RBX1: variants seen among roughly 807,000 people sequenced by gnomAD.
RBX1 encodes the protein ring-box 1.
For synonymous variants in RBX1, 48 were observed against 47.9 expected (o/e 1.00, Z -0.01); for missense variants, 46 against 141.4 (o/e 0.33, Z 3.42).
chr22:40,962,174 T>A (rs2058342576), intron 2 of RBX1, among the ~76,000 whole-genome samples: 1 of 152,094 alleles, frequency 6.6e-6, no homozygotes, highest in African/African-American at 2.4e-5. Flanking sequence ...CAACTTCGGC[T>A]CACTGCAACC....
chr22:40,967,948 C>A, intron 4 of RBX1, 64 bp downstream of exon 4: 2 of 1,135,520 alleles, frequency 1.8e-6, no homozygotes, highest in South Asian at 1.2e-5. Context: ...GGAGCGTGGT[C>A]TTGGGGGATG....
At chr22:40,960,026 G>A (rs1478934303) in intron 2 of RBX1, among the ~76,000 whole-genome samples, 3 of 152,092 alleles carry the variant, frequency 2.0e-5, no homozygotes, top group Non-Finnish European at 4.4e-5. Flanking sequence ...GCTGAGGTGA[G>A]AGAATAGCTG....
chr22:40,963,877 G>C (rs1011819205), intron 2 of RBX1, among the ~76,000 whole-genome samples, 170 bp from the exon 3 acceptor site: 1 of 152,190 alleles, frequency 6.6e-6, no homozygotes, highest in African/African-American at 2.4e-5. Flanking sequence ...AACAAGGATA[G>C]GAAATCGTCA....
intron 1 of RBX1, 130 bp downstream of exon 1, chr22:40,951,606 AGGAAGCCGGG>A (rs1569041273): frequency 1.2e-6 from 1 of 836,992 alleles, no homozygotes; most frequent in Non-Finnish European, 1.8e-6. Context: ...GTACCACGAA[AGGAAGCCGGG>A]GGGCGGGTCT....
chr22:40,961,574 T>C (rs1337811623), intron 2 of RBX1, among the ~76,000 whole-genome samples: 1 of 151,454 alleles, frequency 6.6e-6, no homozygotes, highest in Non-Finnish European at 1.5e-5. Context: ...CCACCACGCC[T>C]GGCTAATTTT....
chr22:40,959,362 A>G (rs1034523971), intron 2 of RBX1, among the ~76,000 whole-genome samples: 1 of 152,004 alleles, frequency 6.6e-6, no homozygotes, highest in Non-Finnish European at 1.5e-5. Context: ...CCCTGTACTT[A>G]CTCTCTGCAA....
At chr22:40,958,799 G>A (rs1848388922) in intron 2 of RBX1, among the ~76,000 whole-genome samples, 2 of 151,748 alleles carry the variant, frequency 1.3e-5, no homozygotes, top group South Asian at 4.2e-4. Flanking sequence ...GTTTGGTTTG[G>A]TTTGGTTTGG....
At chr22:40,965,415 GTTTTTTGTTTTT>G (rs2058351445) in intron 3 of RBX1, among the ~76,000 whole-genome samples, 1 of 149,790 alleles carries the variant, frequency 6.7e-6, no homozygotes, top group Non-Finnish European at 1.5e-5. Flanking sequence ...ACCTACACTG[GTTTTTTGTTTTT>G]TTTTTTGTTT....
intron 2 of RBX1, among the ~76,000 whole-genome samples, chr22:40,959,281 A>G (rs1032690948): frequency 2.6e-5 from 4 of 152,170 alleles, no homozygotes; most frequent in African/African-American, 7.2e-5. Flanking sequence ...TGAACCCGTT[A>G]TGTGCCACTG....
chr22:40,952,900 G>A (rs1051011582), intron 1 of RBX1, among the ~76,000 whole-genome samples: 1 of 151,390 alleles, frequency 6.6e-6, no homozygotes, highest in Non-Finnish European at 1.5e-5. Flanking sequence ...TGCTTCCAGA[G>A]CTGTGTAGAG....
At chr22:40,954,774 G>A (rs902791795) in intron 2 of RBX1, among the ~76,000 whole-genome samples, 2 of 151,308 alleles carry the variant, frequency 1.3e-5, no homozygotes, top group Non-Finnish European at 2.9e-5. Flanking sequence ...GGCCAAAGCA[G>A]CCATGGCCCC....
chr22:40,955,275 T>G (rs1053848784), intron 2 of RBX1, among the ~76,000 whole-genome samples: 10 of 151,236 alleles, frequency 6.6e-5, no homozygotes, highest in African/African-American at 2.2e-4. Context: ...TTTTTTTTTT[T>G]GTTTTTTTCA....
At chr22:40,970,947 A>G (rs567045157) in intron 4 of RBX1, among the ~76,000 whole-genome samples, 2 of 152,330 alleles carry the variant, frequency 1.3e-5, no homozygotes, top group South Asian at 4.1e-4. Context: ...TATGCTAAGT[A>G]CCGTGTAAAA....
intron 2 of RBX1, among the ~76,000 whole-genome samples, chr22:40,963,340 A>G (rs2058346065): frequency 1.3e-5 from 2 of 152,054 alleles, no homozygotes; most frequent in African/African-American, 4.8e-5. Flanking sequence ...GATCTCAGTC[A>G]AGAACTCATT....
At chr22:40,968,315 T>C (rs2058359596) in intron 4 of RBX1, among the ~76,000 whole-genome samples, 1 of 152,114 alleles carries the variant, frequency 6.6e-6, no homozygotes, top group African/African-American at 2.4e-5. Flanking sequence ...GGTCTTGAAC[T>C]CCTGATCTCA....
chr22:40,953,913 A>G (rs2058318167), intron 2 of RBX1, among the ~76,000 whole-genome samples: 1 of 152,196 alleles, frequency 6.6e-6, no homozygotes, highest in African/African-American at 2.4e-5. Context: ...TTTCCTGCAT[A>G]TCTTCCATCT....
intron 1 of RBX1, 109 bp downstream of exon 1, chr22:40,951,585 C>A (rs919212874): frequency 6.7e-6 from 7 of 1,042,158 alleles, no homozygotes; most frequent in Non-Finnish European, 9.7e-6. Context: ...TCAGGGCGTT[C>A]CTGGGACCGG....
chr22:40,962,132 C>T (rs1381711912), intron 2 of RBX1, among the ~76,000 whole-genome samples: 2 of 152,038 alleles, frequency 1.3e-5, no homozygotes, highest in South Asian at 4.2e-4. Flanking sequence ...CAGAGTCTTG[C>T]TCTTTTGCCC....
At chr22:40,956,409 T>A (rs1234876327) in intron 2 of RBX1, among the ~76,000 whole-genome samples, 3 of 151,148 alleles carry the variant, frequency 2.0e-5, no homozygotes, top group Non-Finnish European at 4.4e-5. Context: ...TTTTTTTTTT[T>A]TTTTTAAAGA....
Sources: allele counts gnomAD v4.1 joint callset (sites outside exome capture counted in the v4.1 genomes callset), GRCh38; gene constraint gnomAD v4.1.1; transcripts MANE v1.5; gene names NCBI Gene and HGNC (gene_info 2026-07-23, HGNC 2026-07-21).